Variants in CNTNAP2 observed in about 807,000 individuals in gnomAD.
CNTNAP2 encodes the protein contactin-associated protein-like 2.
A neutral mutation model predicts 155.2 loss-of-function variants in CNTNAP2; 98 were observed. That is an observed-to-expected ratio of 0.63 (90% CI 0.54 to 0.75). The LOEUF (loss-of-function observed/expected upper bound fraction) is 0.75. Ranked by LOEUF, CNTNAP2 falls within the 30% of genes least tolerant of loss-of-function variation. The probability of loss-of-function intolerance (pLI) is 0.00; values close to 1 mark genes in which losing one functional copy is unlikely to be tolerated. For synonymous variants in CNTNAP2, 651 were observed against 631.2 expected, an observed-to-expected ratio of 1.03 and a Z score of -0.47; for missense variants, 1,727 against 1,688.1, an observed-to-expected ratio of 1.02 and a Z score of -0.40.
chr7:147,485,898 T>C (rs1164120457), intron 10 of CNTNAP2, 37 bp from the exon 11 acceptor site: 3 of 1,597,942 alleles, frequency 1.9e-6, no homozygotes, highest in African/African-American at 1.3e-5. Context: ...TCTCATTTGT[T>C]TGTTGGTTTA....
At chr7:147,277,814 C>T (rs1441036459) in intron 8 of CNTNAP2, among the ~76,000 whole-genome samples, 1 of 151,104 alleles carries the variant, frequency 6.6e-6, no homozygotes, top group African/African-American at 2.4e-5. Context: ...TTGATAGTGG[C>T]CACAATAATT....
intron 1 of CNTNAP2, among the ~76,000 whole-genome samples, chr7:146,722,368 G>A (rs1392951294): frequency 6.6e-6 from 1 of 152,074 alleles, no homozygotes; most frequent in Non-Finnish European, 1.5e-5. Flanking sequence ...GGGGTAGAAT[G>A]CAGGCAATTA....
chr7:146,712,171 A>ATATGTATACATATCTTATGTATACAT (rs1422695142), intron 1 of CNTNAP2, among the ~76,000 whole-genome samples: 1 of 100,714 alleles, frequency 9.9e-6, no homozygotes, highest in African/African-American at 6.2e-5. Flanking sequence ...TATGTATACA[A>ATATGTATACATATCTTATGTATACAT]ATATGTATAC....
chr7:146,246,134 C>T (rs933346019), intron 1 of CNTNAP2, among the ~76,000 whole-genome samples: 4 of 150,934 alleles, frequency 2.7e-5, no homozygotes, highest in South Asian at 4.2e-4. Flanking sequence ...GTGATATTGG[C>T]ATTGAGTGGG....
At chr7:147,483,564 C>T (rs933969260) in intron 10 of CNTNAP2, among the ~76,000 whole-genome samples, 1 of 152,110 alleles carries the variant, frequency 6.6e-6, no homozygotes, top group African/African-American at 2.4e-5. Flanking sequence ...ACTTAGTACC[C>T]TTCTGCACTA....
At chr7:146,598,912 C>T (rs1000832976) in intron 1 of CNTNAP2, among the ~76,000 whole-genome samples, 1 of 152,054 alleles carries the variant, frequency 6.6e-6, no homozygotes, top group Non-Finnish European at 1.5e-5. Context: ...GGAGAATGCA[C>T]TAAATGCACT....
At chr7:148,194,950 C>A (rs1397968361) in intron 18 of CNTNAP2, among the ~76,000 whole-genome samples, 2 of 152,104 alleles carry the variant, frequency 1.3e-5, no homozygotes, top group Non-Finnish European at 2.9e-5. Flanking sequence ...ACCCTTAGCC[C>A]AGTCAAGATG....
chr7:146,703,685 C>T (rs960409835), intron 1 of CNTNAP2, among the ~76,000 whole-genome samples: 1 of 152,034 alleles, frequency 6.6e-6, no homozygotes, highest in Non-Finnish European at 1.5e-5. Context: ...AAGAGGAAAA[C>T]GAGCTCCCTC....
At chr7:147,109,984 G>T (rs1306426121) in intron 5 of CNTNAP2, among the ~76,000 whole-genome samples, 1 of 151,956 alleles carries the variant, frequency 6.6e-6, no homozygotes, top group Non-Finnish European at 1.5e-5. Context: ...GAGTGCAGTG[G>T]CATGATCTCT....
intron 12 of CNTNAP2, among the ~76,000 whole-genome samples, chr7:147,566,381 T>TG (rs1800171637): frequency 2.3e-5 from 1 of 43,758 alleles, no homozygotes; most frequent in Non-Finnish European, 4.6e-5. Context: ...AGAAGGGGGG[T>TG]GGGGGGATGA....
chr7:146,141,311 C>T (rs1797878629), intron 1 of CNTNAP2, among the ~76,000 whole-genome samples: 1 of 152,150 alleles, frequency 6.6e-6, no homozygotes, highest in African/African-American at 2.4e-5. Flanking sequence ...TGAATGTTTA[C>T]ATATCAATAT....
intron 14 of CNTNAP2, among the ~76,000 whole-genome samples, chr7:147,956,356 T>C (rs1488581567): frequency 6.6e-6 from 1 of 151,694 alleles, no homozygotes; most frequent in Admixed American, 6.6e-5. Context: ...TGTTTTCATT[T>C]GAGCCATGTT....
chr7:147,106,547 T>G (rs1800770035), intron 4 of CNTNAP2, among the ~76,000 whole-genome samples: 1 of 152,138 alleles, frequency 6.6e-6, no homozygotes, highest in South Asian at 2.1e-4. Context: ...AAGAGCTGAT[T>G]ATAAGAATTA....
At chr7:146,430,175 G>GTT (rs60402262) in intron 1 of CNTNAP2, among the ~76,000 whole-genome samples, 3 of 145,886 alleles carry the variant, frequency 2.1e-5, no homozygotes, top group Non-Finnish European at 3.0e-5. Flanking sequence ...TTTGCCTGAA[G>GTT]TTTTTTTTTT....
At chr7:148,197,797 T>C (rs182878748) in intron 18 of CNTNAP2, among the ~76,000 whole-genome samples, 108 of 152,282 alleles carry the variant, frequency 7.1e-4, no homozygotes, top group Middle Eastern at 6.8e-3. Flanking sequence ...CCAAATTTAA[T>C]GGAAAGAGGA....
intron 1 of CNTNAP2, among the ~76,000 whole-genome samples, chr7:146,389,142 G>A (rs1274536536): frequency 6.6e-6 from 1 of 151,626 alleles, no homozygotes; most frequent in Non-Finnish European, 1.5e-5. Flanking sequence ...TTCGCAAAAG[G>A]CTTGACTTAT....
intron 10 of CNTNAP2, among the ~76,000 whole-genome samples, chr7:147,406,764 G>C (rs148928247): frequency 1.5e-3 from 226 of 152,282 alleles, no homozygotes; most frequent in Middle Eastern, 6.8e-3. Flanking sequence ...GTGTTTATTT[G>C]AAATGGTTTT....
intron 20 of CNTNAP2, 36 bp from the exon 21 acceptor site, chr7:148,266,997 G>C (rs779847875): frequency 1.3e-6 from 2 of 1,588,560 alleles, no homozygotes; most frequent in African/African-American, 2.7e-5. Context: ...GGGTAGAGAC[G>C]TGCTTCTAAA....
chr7:147,197,956 CG>C (rs1381054398), intron 8 of CNTNAP2, among the ~76,000 whole-genome samples: 12 of 152,034 alleles, frequency 7.9e-5, no homozygotes, highest in Admixed American at 2.0e-4. Context: ...TAAGCAAAAG[CG>C]ACTTCAGAAA....
Sources: gnomAD v4.1 joint callset for allele counts (sites outside exome capture counted in the v4.1 genomes callset) on GRCh38, gnomAD v4.1.1 for gene constraint, MANE v1.5 for transcripts, NCBI Gene and HGNC (gene_info 2026-07-23, HGNC 2026-07-21) for gene names.